Variants in SLAMF6 observed in about 807,000 individuals in gnomAD.
SLAMF6 encodes the protein SLAM family member 6, also known as NK-T-B-antigen.
SLAMF6 carries 21 observed loss-of-function variants against 38.3 expected under a neutral mutation model. The observed-to-expected ratio is 0.55, with a 90% CI of 0.39 to 0.79. SLAMF6 has a LOEUF of 0.79. SLAMF6 is among the 30% of genes least tolerant of loss of function. The pLI is 0.00. For synonymous variants in SLAMF6, 152 were observed against 146.3 expected (o/e 1.04, Z -0.28); for missense variants, 341 against 385.3 (o/e 0.89, Z 0.96).
At chr1:160,499,553 G>C (rs1225152164) in intron 1 of SLAMF6, among the ~76,000 whole-genome samples, 1 of 151,912 alleles carries the variant, frequency 6.6e-6, no homozygotes, top group Non-Finnish European at 1.5e-5. Context: ...CTCTTTTTTT[G>C]GTTCCATATG....
At chr1:160,495,152 A>G (rs991809700) in intron 2 of SLAMF6, among the ~76,000 whole-genome samples, 9 of 152,184 alleles carry the variant, frequency 5.9e-5, no homozygotes, top group Admixed American at 4.6e-4. Flanking sequence ...TTTGAGTACC[A>G]TGTCTTAACC....
intron 1 of SLAMF6, among the ~76,000 whole-genome samples, chr1:160,497,727 G>A (rs987215879): frequency 9.2e-5 from 14 of 152,122 alleles, no homozygotes; most frequent in African/African-American, 3.1e-4. Flanking sequence ...GTGAGAGCAT[G>A]TAGTATTTGG....
intron 7 of SLAMF6, 53 bp downstream of exon 7, chr1:160,487,051 A>G (rs1007634747): frequency 2.1e-6 from 3 of 1,424,550 alleles, no homozygotes; most frequent in African/African-American, 2.9e-5. Context: ...GAAAAATCAT[A>G]GGTCTGTGGA....
At chr1:160,520,771 C>T (rs539748136) in intron 1 of SLAMF6, among the ~76,000 whole-genome samples, 1 of 152,288 alleles carries the variant, frequency 6.6e-6, no homozygotes, top group South Asian at 2.1e-4. Flanking sequence ...AGAATGTAGG[C>T]TGGCATGAGT....
At chr1:160,508,082 C>T (rs1043747636) in intron 1 of SLAMF6, among the ~76,000 whole-genome samples, 2 of 152,070 alleles carry the variant, frequency 1.3e-5, no homozygotes, top group Admixed American at 1.3e-4. Context: ...GGCCATACTG[C>T]CCAAGGTAAT....
In SLAMF6 at chr1:160,489,107, G is replaced by T; in HGVS notation, c.860C>A (p.Ser287Ter). The change falls in exon 6 of 8, where the codon TCA becomes TAA. Residue 287 changes from serine to a stop codon, truncating the protein, a stop_gained. Coordinates refer to ENST00000368057, the MANE Select transcript of SLAMF6 (RefSeq NM_001184714.2). LOFTEE classifies it high-confidence loss of function. ...ACTCACCCTGTTTGAATGAGTGACT[G>T]AAGCATACACAGTGTTGTTCGTTGG... ...VSPTNNTVYA[S>*]VTHSNRETEI... 2 of 1,613,790 alleles carry T rather than the reference G, an allele frequency of 1.2e-6. No individual in the cohort carries two copies. The highest frequency in any genetic ancestry group is 1.7e-6 in the Non-Finnish European group (2 of 1,179,724).
intron 1 of SLAMF6, among the ~76,000 whole-genome samples, chr1:160,510,740 A>G (rs1401784100): frequency 6.6e-6 from 1 of 152,208 alleles, no homozygotes; most frequent in Non-Finnish European, 1.5e-5. Context: ...TAGCCAGAGC[A>G]ATTAGGCAAG....
chr1:160,485,525 C>G lies in SLAMF6; in HGVS notation c.*1182G>C, dbSNP rs1427868062. The G allele has an allele frequency of 6.6e-6, 1 of 152,122 alleles. No individual in the cohort carries two copies. Among genetic ancestry groups the G allele is most frequent in the Non-Finnish European group, 1.5e-5 (1 of 68,050 alleles). 9.4% of individuals were successfully genotyped at this position (152,122 alleles called of 1,614,324 possible). A position where few individuals can be genotyped will look rare whatever the true frequency, so the allele number is the denominator to read the frequency against. The stretch of plus-strand genomic sequence containing the variant: ...TTTAATAGAGGAGCTGAAAGAAGAT[C>G]AGGGAGGCTACATAGAGAGTGTCAG... On this transcript the variant is annotated 3_prime_UTR_variant, in exon 8 of 8. Transcript: ENST00000368057.
chr1:160,491,062 G>C, intron 3 of SLAMF6, 63 bp downstream of exon 3: 2 of 1,586,774 alleles, frequency 1.3e-6, no homozygotes, highest in Non-Finnish European at 1.7e-6. Context: ...AATTACGTAG[G>C]ATGTGAGGAC....
intron 1 of SLAMF6, among the ~76,000 whole-genome samples, chr1:160,514,594 C>T (rs1654648759): frequency 6.6e-6 from 1 of 152,148 alleles, no homozygotes. Context: ...AAATTGATCA[C>T]ATAATTGGAA....
chr1:160,509,551 G>A (rs137941015), intron 1 of SLAMF6, among the ~76,000 whole-genome samples: 1,912 of 152,192 alleles, frequency 0.013, 56 homozygotes, highest in East Asian at 0.11. Flanking sequence ...AATACCTAAT[G>A]TAAATGACGA....
chr1:160,522,727 T>G (rs1281070332), intron 1 of SLAMF6, among the ~76,000 whole-genome samples: 3 of 152,008 alleles, frequency 2.0e-5, no homozygotes, highest in African/African-American at 7.3e-5. Context: ...TTTTAATAAT[T>G]TAGATGAGGA....
chr1:160,494,504 C>T (rs1260236920), intron 2 of SLAMF6, among the ~76,000 whole-genome samples: 1 of 152,068 alleles, frequency 6.6e-6, no homozygotes, highest in Non-Finnish European at 1.5e-5. Flanking sequence ...TCTGTCTGCG[C>T]CCTAATTCCC....
At chr1:160,503,466 A>G (rs796379567) in intron 1 of SLAMF6, among the ~76,000 whole-genome samples, 3 of 152,162 alleles carry the variant, frequency 2.0e-5, no homozygotes, top group African/African-American at 7.2e-5. Context: ...AACTTTCTCC[A>G]ATGATTATAG....
intron 1 of SLAMF6, among the ~76,000 whole-genome samples, chr1:160,517,172 TCAAA>T (rs1441820078): frequency 2.0e-5 from 3 of 151,380 alleles, no homozygotes; most frequent in African/African-American, 7.3e-5. Flanking sequence ...AAGAAAAAAA[TCAAA>T]CAACCCCATT....
intron 1 of SLAMF6, among the ~76,000 whole-genome samples, chr1:160,521,641 C>T (rs1654989646): frequency 1.3e-5 from 2 of 152,098 alleles, no homozygotes; most frequent in African/African-American, 4.8e-5. Flanking sequence ...TATCTCTATG[C>T]CATTGATTTT....
At chr1:160,512,967 A>G (rs996368288) in intron 1 of SLAMF6, among the ~76,000 whole-genome samples, 8 of 152,146 alleles carry the variant, frequency 5.3e-5, no homozygotes, top group Admixed American at 5.2e-4. Flanking sequence ...CCTCCAAATG[A>G]TTGTAACACC....
intron 1 of SLAMF6, among the ~76,000 whole-genome samples, chr1:160,508,110 T>C (rs941716663): frequency 3.3e-5 from 5 of 152,206 alleles, no homozygotes; most frequent in African/African-American, 9.6e-5. Flanking sequence ...TTCAATGCCA[T>C]CCCCATCAAG....
chr1:160,491,214 C>A lies in SLAMF6; in HGVS notation c.557G>T (p.Arg186Met), dbSNP rs767182976. ...GGTGTAGTCCTGTTCACTGGAAATC[C>A]TGGGGTCCCAGGAGACAGTGAGGTT... ...QPNLTVSWDPRISSEQDYTCI... is the reference protein window; with the variant it reads ...QPNLTVSWDPMISSEQDYTCI... Residue 186 changes from arginine to methionine, a missense_variant, in exon 3 of 8, where the codon AGG (arginine) becomes ATG (methionine). Coordinates refer to ENST00000368057, the MANE Select transcript of SLAMF6 (RefSeq NM_001184714.2). The A allele has an allele frequency of 1.9e-6, 3 of 1,614,028 alleles. No homozygotes were observed. The highest frequency in any genetic ancestry group is 1.7e-6 in the Non-Finnish European group (2 of 1,179,972).
Sources: allele counts gnomAD v4.1 joint callset (sites outside exome capture counted in the v4.1 genomes callset), GRCh38; gene constraint gnomAD v4.1.1; transcripts MANE v1.5; gene names NCBI Gene and HGNC (gene_info 2026-07-23, HGNC 2026-07-21).